Variants in TPD52L1 observed in about 807,000 individuals in gnomAD.
The protein encoded by TPD52L1 is TPD52 like 1, also known as tumor protein D53.
In TPD52L1, 18 loss-of-function variants were observed where a neutral mutation model predicts 28.7. The observed-to-expected ratio is 0.63, with a 90% CI of 0.43 to 0.93. The LOEUF is 0.93. TPD52L1 is among the 40% of genes least tolerant of loss of function. TPD52L1 has a pLI of 0.00. For synonymous variants in TPD52L1, 75 were observed against 88.8 expected, an observed-to-expected ratio of 0.84 and a Z score of 0.88; for missense variants, 203 against 254.8, an observed-to-expected ratio of 0.80 and a Z score of 1.39.
At chr6:125,229,550 T>C (rs184886678) in intron 3 of TPD52L1, among the ~76,000 whole-genome samples, 178 of 152,358 alleles carry the variant, frequency 1.2e-3, no homozygotes, top group Non-Finnish European at 1.8e-3. Context: ...TTTCTCTTTA[T>C]ATTTTTAACA....
rs1797427840 is a variant in TPD52L1, at chr6:125,253,863, G to A, written c.425+108G>A. The A allele has an allele frequency of 8.4e-6, 9 of 1,072,018 alleles. No homozygotes were observed. The East Asian group carries it at 1.9e-4, about 23-fold the overall frequency. The allele number at this position is 1,072,018 out of a possible 1,614,324, so 66.4% of individuals were successfully genotyped here. On this transcript the variant is annotated intron_variant, in intron 5 of 6. Coordinates refer to ENST00000534000, the MANE Select transcript of TPD52L1 (RefSeq NM_003287.4). ...CCTCTGCTTTATGTGAAAGGAAATT[G>A]CTGATGGTCTTCAAAAGAAAAGGCT...
chr6:125,218,050 TC>T (rs1481974596), intron 1 of TPD52L1, among the ~76,000 whole-genome samples: 1 of 152,194 alleles, frequency 6.6e-6, no homozygotes. Flanking sequence ...ATTAATGGCG[TC>T]TGATGTGCAT....
chr6:125,172,148 CTTT>C (rs1562211247), intron 1 of TPD52L1, among the ~76,000 whole-genome samples: 7 of 59,128 alleles, frequency 1.2e-4, no homozygotes, highest in East Asian at 8.0e-4. Context: ...TTCTTTCTTT[CTTT>C]CTTTCTTTTC....
At chr6:125,252,009 T>C (rs1797300486) in intron 4 of TPD52L1, 1 of 1,536,124 alleles carries the variant, frequency 6.5e-7, no homozygotes, top group Non-Finnish European at 8.7e-7. Context: ...TCTCCTGTGC[T>C]TCCGGGCTGC....
chr6:125,226,493 A>C (rs1296572329), intron 2 of TPD52L1, among the ~76,000 whole-genome samples: 1 of 152,134 alleles, frequency 6.6e-6, no homozygotes, highest in African/African-American at 2.4e-5. Context: ...TGAATAATCC[A>C]CAGCCCCTCG....
chr6:125,171,981 T>C (rs1562208889), intron 1 of TPD52L1, among the ~76,000 whole-genome samples: 2 of 152,090 alleles, frequency 1.3e-5, no homozygotes, highest in Non-Finnish European at 2.9e-5. Flanking sequence ...GTGTTGGTGA[T>C]GGTCTGTCAC....
chr6:125,254,202 T>C (rs1478960935), intron 5 of TPD52L1, among the ~76,000 whole-genome samples: 1 of 152,212 alleles, frequency 6.6e-6, no homozygotes, highest in Non-Finnish European at 1.5e-5. Context: ...GAGGATATCA[T>C]TAGGATTTTT....
In TPD52L1 at chr6:125,187,093, G is replaced by GA. The variant is rs999989526; in HGVS notation, c.20-32978dup. Among the ~76,000 whole-genome samples, 3 of 152,074 alleles carry GA rather than the reference G, an allele frequency of 2.0e-5. No individual in the cohort carries two copies. The East Asian group carries it at 5.8e-4, about 29-fold the overall frequency. On this transcript the variant is annotated intron_variant, in intron 1 of 6. Transcript: ENST00000534000. Reference sequence around the variant, plus strand: ...TAATAGATTAATATCAATACAATATGAAAAAAATCTAATAATTTGATAGAG... The same window carrying GA: ...TAATAGATTAATATCAATACAATATGAAAAAAAATCTAATAATTTGATAGAG...
intron 1 of TPD52L1, chr6:125,214,537 T>A: frequency 2.7e-6 from 2 of 749,438 alleles, no homozygotes; most frequent in Non-Finnish European, 3.3e-6. Context: ...GCTTTTGCTA[T>A]GCCAAGAGAG....
At chr6:125,172,531 TATATATATATATATATATATA>T (rs1480207624) in intron 1 of TPD52L1, among the ~76,000 whole-genome samples, 2 of 87,140 alleles carry the variant, frequency 2.3e-5, no homozygotes, top group African/African-American at 1.1e-4. Flanking sequence ...TATATATATA[TATATATATATATATATATATA>T]ATATATATAC....
intron 1 of TPD52L1, among the ~76,000 whole-genome samples, chr6:125,162,715 A>G (rs1029133246): frequency 6.6e-6 from 1 of 152,210 alleles, no homozygotes; most frequent in African/African-American, 2.4e-5. Context: ...CAAAGTGAAG[A>G]TAGTAATAGC....
chr6:125,168,518 A>ATTT (rs1171967450), intron 1 of TPD52L1, among the ~76,000 whole-genome samples: 2 of 139,984 alleles, frequency 1.4e-5, no homozygotes, highest in Non-Finnish European at 3.1e-5. Flanking sequence ...TCCTTCTCAG[A>ATTT]TTTTTTTTTT....
intron 6 of TPD52L1, chr6:125,262,519 T>A: frequency 4.7e-6 from 1 of 210,852 alleles, no homozygotes; most frequent in Non-Finnish European, 9.5e-6. Context: ...GTTCTCTGGG[T>A]GAGTGGAGAT....
intron 5 of TPD52L1, among the ~76,000 whole-genome samples, chr6:125,255,226 T>C (rs3799731): frequency 0.41 from 62,762 of 151,964 alleles, 13,351 homozygotes; most frequent in East Asian, 0.61. Context: ...TGAGCTTGCC[T>C]GAAACTAACT....
intron 3 of TPD52L1, 26 bp downstream of exon 3, chr6:125,229,292 A>G (rs1795803127): frequency 6.3e-7 from 1 of 1,585,886 alleles, no homozygotes; most frequent in Non-Finnish European, 8.6e-7. Flanking sequence ...ACAGTGTTTT[A>G]TTAACTCAGC....
intron 6 of TPD52L1, among the ~76,000 whole-genome samples, chr6:125,259,452 C>T (rs190579380): frequency 3.9e-5 from 6 of 152,300 alleles, no homozygotes; most frequent in African/African-American, 9.6e-5. Context: ...GTTCTGCCTA[C>T]GCCCTTACAA....
intron 1 of TPD52L1, among the ~76,000 whole-genome samples, chr6:125,172,136 C>CT (rs773315305): frequency 3.4e-5 from 2 of 58,602 alleles, no homozygotes; most frequent in African/African-American, 2.1e-4. Flanking sequence ...TTCTTTCTTT[C>CT]TTTCTTTCTT....
At chr6:125,261,218 A>G (rs1430035205) in intron 6 of TPD52L1, 3 of 152,096 alleles carry the variant, frequency 2.0e-5, no homozygotes, top group Non-Finnish European at 4.4e-5. Flanking sequence ...GACACCAAGC[A>G]GAGTACAAAA....
chr6:125,170,379 T>C (rs1198154536), intron 1 of TPD52L1, among the ~76,000 whole-genome samples: 1 of 150,676 alleles, frequency 6.6e-6, no homozygotes, highest in East Asian at 2.0e-4. Flanking sequence ...TAGGGGCTAT[T>C]ATGTAGCCTA....
Sources: gnomAD v4.1 joint callset for allele counts (sites outside exome capture counted in the v4.1 genomes callset) on GRCh38, gnomAD v4.1.1 for gene constraint, MANE v1.5 for transcripts, NCBI Gene and HGNC (gene_info 2026-07-23, HGNC 2026-07-21) for gene names.